Variants in MYRIP observed in about 807,000 individuals in gnomAD.
MYRIP encodes the protein myosin VIIA and Rab interacting protein.
In MYRIP, 49 loss-of-function variants were observed where a neutral mutation model predicts 98.0. The observed-to-expected ratio is 0.50, with a 90% confidence interval of 0.40 to 0.63. MYRIP has a LOEUF of 0.63. Ranked by LOEUF, MYRIP falls within the 30% of genes least tolerant of loss-of-function variation. The probability of loss-of-function intolerance (pLI) is 0.00; values close to 1 mark genes in which losing one functional copy is unlikely to be tolerated. For missense variants in MYRIP, 1,004 were observed against 1,058.2 expected (o/e 0.95, Z 0.71); for synonymous variants, 404 against 409.5 (o/e 0.99, Z 0.16).
intron 2 of MYRIP, among the ~76,000 whole-genome samples, chr3:40,007,073 T>G (rs958356938): frequency 1.3e-5 from 2 of 152,150 alleles, no homozygotes; most frequent in African/African-American, 4.8e-5. Flanking sequence ...TGGGGGGAAA[T>G]GTCTTTACTT....
rs544920988 is a variant in MYRIP at position 39,894,645 on chromosome 3, C to T, written c.-30-6142C>T. On this transcript the variant is annotated intron_variant, in intron 1 of 16. Transcript: ENST00000302541. ...ACTTTTTACCTTAATATGTCATAAA[C>T]GCCTTTCTTTTAAATACATTTTATT... Among the ~76,000 whole-genome samples, 25 of 152,152 alleles carry T rather than the reference C, an allele frequency of 1.6e-4. No homozygotes were observed. In the South Asian group the frequency reaches 2.3e-3, roughly 14 times the overall value.
At chr3:39,908,851 A>G (rs1328194086) in intron 2 of MYRIP, among the ~76,000 whole-genome samples, 1 of 152,230 alleles carries the variant, frequency 6.6e-6, no homozygotes, top group Non-Finnish European at 1.5e-5. Context: ...CTTTAGAAGA[A>G]ATATGCCTTA....
At chr3:39,969,112 T>C (rs1945512560) in intron 2 of MYRIP, among the ~76,000 whole-genome samples, 1 of 152,178 alleles carries the variant, frequency 6.6e-6, no homozygotes, top group South Asian at 2.1e-4. Flanking sequence ...GCCTTTTTGA[T>C]TTGGTGCTCA....
At chr3:40,170,361 T>C (rs1272135141) in intron 8 of MYRIP, among the ~76,000 whole-genome samples, 3 of 151,944 alleles carry the variant, frequency 2.0e-5, no homozygotes, top group Admixed American at 2.0e-4. Context: ...TAGGCTGCAT[T>C]TTTTTTTCAT....
intron 2 of MYRIP, among the ~76,000 whole-genome samples, chr3:39,984,572 C>G (rs1945984477): frequency 1.3e-5 from 2 of 152,202 alleles, no homozygotes; most frequent in Non-Finnish European, 2.9e-5. Context: ...TTTTTTATGG[C>G]TGCATAGTAT....
At chr3:39,843,329 C>T (rs1013467) in intron 1 of MYRIP, among the ~76,000 whole-genome samples, 55,122 of 151,958 alleles carry the variant, frequency 0.36, 10,637 homozygotes, top group East Asian at 0.51. Flanking sequence ...TCCAGTCTAG[C>T]TCAAACATTT....
chr3:39,879,532 A>G (rs1271519187), intron 1 of MYRIP, among the ~76,000 whole-genome samples: 2 of 152,128 alleles, frequency 1.3e-5, no homozygotes, highest in East Asian at 1.9e-4. Flanking sequence ...TCTTCATTGT[A>G]TAGAGCTTCA....
At chr3:40,018,558 A>T (rs923862083) in intron 2 of MYRIP, among the ~76,000 whole-genome samples, 3 of 151,920 alleles carry the variant, frequency 2.0e-5, no homozygotes, top group Non-Finnish European at 4.4e-5. Context: ...CCTGTCCCTC[A>T]TTTCCTGTAT....
At chr3:40,219,445 A>T (rs925164013) in intron 11 of MYRIP, among the ~76,000 whole-genome samples, 1 of 152,148 alleles carries the variant, frequency 6.6e-6, no homozygotes, top group Non-Finnish European at 1.5e-5. Flanking sequence ...TTAACTCATC[A>T]TTTAGCATTA....
intron 13 of MYRIP, among the ~76,000 whole-genome samples, chr3:40,246,580 C>T (rs1013029036): frequency 6.6e-5 from 10 of 151,822 alleles, no homozygotes; most frequent in South Asian, 2.1e-4. Context: ...GTGAGGGTGA[C>T]GGAAGCTGTG....
At chr3:39,927,177 T>C (rs1458359804) in intron 2 of MYRIP, among the ~76,000 whole-genome samples, 1 of 152,132 alleles carries the variant, frequency 6.6e-6, no homozygotes, top group Non-Finnish European at 1.5e-5. Context: ...GTTGATTTTG[T>C]ATCCTGAAAC....
chr3:40,041,022 G>GAAAA, intron 2 of MYRIP, among the ~76,000 whole-genome samples: 8,066 of 40,850 alleles, frequency 0.2, 930 homozygotes, highest in Non-Finnish European at 0.27. Context: ...ATTACCAGCA[G>GAAAA]AAAAAAAAAA....
At chr3:39,997,815 A>G (rs1047499138) in intron 2 of MYRIP, among the ~76,000 whole-genome samples, 3 of 152,224 alleles carry the variant, frequency 2.0e-5, no homozygotes, top group African/African-American at 7.2e-5. Context: ...ATCCAGCAGC[A>G]CGTCAAAAAG....
intron 1 of MYRIP, among the ~76,000 whole-genome samples, chr3:39,860,263 C>G (rs1339369244): frequency 6.6e-6 from 1 of 152,276 alleles, no homozygotes; most frequent in Non-Finnish European, 1.5e-5. Context: ...GGAATCCTGG[C>G]AGCAGAAGAC....
At chr3:39,865,462 C>G (rs2125623450) in intron 1 of MYRIP, among the ~76,000 whole-genome samples, 1 of 152,176 alleles carries the variant, frequency 6.6e-6, no homozygotes, top group African/African-American at 2.4e-5. Flanking sequence ...CTATAAGGAA[C>G]TTAAACAAAT....
At chr3:39,976,639 C>A (rs1025645246) in intron 2 of MYRIP, among the ~76,000 whole-genome samples, 1 of 152,140 alleles carries the variant, frequency 6.6e-6, no homozygotes, top group African/African-American at 2.4e-5. Context: ...AGACTTGGAA[C>A]CAACCCAAAT....
chr3:40,080,268 G>C (rs1462208034), intron 3 of MYRIP, among the ~76,000 whole-genome samples: 1 of 152,068 alleles, frequency 6.6e-6, no homozygotes, highest in Non-Finnish European at 1.5e-5. Context: ...TTGCATTCCT[G>C]GCACAAACCC....
chr3:40,044,255 G>A lies in MYRIP; in HGVS notation c.316G>A (p.Val106Ile), dbSNP rs572572991. The A allele has an allele frequency of 4.2e-5, 67 of 1,614,172 alleles. No individual in the cohort carries two copies. The Middle Eastern group carries it at 6.6e-4, about 16-fold the overall frequency. The change falls in exon 3 of 17, where the codon GTC becomes ATC. Residue 106 changes from valine (V) to isoleucine (I), a missense_variant. Val to Ile is a conservative substitution (Grantham distance 29, BLOSUM62 3). Coordinates refer to ENST00000302541, the MANE Select transcript of MYRIP (RefSeq NM_015460.4). ...QKHEKAWVCC[V>I]CQQARLLRAQ... ...GCACGAAAAGGCCTGGGTCTGCTGC[G>A]TCTGCCAGCAAGCGAGGTGAGTGGC...
rs137869489 is a variant in MYRIP, at chr3:39,940,198, T to G, written c.110+39272T>G. The stretch of plus-strand genomic sequence containing the variant: ...ACACAATGATATCATTAGCTATTTT[T>G]TTGTGCATGCATTTTGAATCATTTT... On this transcript the variant is annotated intron_variant, in intron 2 of 16. Coordinates refer to ENST00000302541, the MANE Select transcript of MYRIP (RefSeq NM_015460.4). Among the ~76,000 whole-genome samples the G allele has an allele frequency of 6.4e-3, 976 of 152,204 alleles. 15 individuals are homozygous for G. The highest frequency in any genetic ancestry group is 0.023 in the African/African-American group (943 of 41,562).
Sources: gnomAD v4.1 joint callset for allele counts (sites outside exome capture counted in the v4.1 genomes callset) on GRCh38, gnomAD v4.1.1 for gene constraint, MANE v1.5 for transcripts, NCBI Gene and HGNC (gene_info 2026-07-23, HGNC 2026-07-21) for gene names.